Variants in MICAL3 observed in about 807,000 individuals in gnomAD.
MICAL3 encodes [F-actin]-monooxygenase MICAL3.
A neutral mutation model predicts 207.4 loss-of-function variants in MICAL3; 62 were observed. The ratio of observed to expected loss-of-function variants is 0.30; its 90% confidence interval spans 0.24 to 0.37. MICAL3 has a LOEUF of 0.37. MICAL3 is among the 10% of genes least tolerant of loss of function. MICAL3 has a pLI of 1.00. For missense variants in MICAL3, 2,368 were observed against 2,635.6 expected, an observed-to-expected ratio of 0.90 and a Z score of 2.22; for synonymous variants, 1,077 against 1,069.3, an observed-to-expected ratio of 1.01 and a Z score of -0.14.
Position 17,818,448 on chromosome 22 carries a change from G to C in MICAL3, c.4213C>G (p.Arg1405Gly), listed in dbSNP as rs143411730. The C allele has an allele frequency of 8.7e-6, 14 of 1,612,616 alleles. No individual in the cohort carries two copies. The highest frequency in any genetic ancestry group is 5.5e-5 in the South Asian group (5 of 91,088). Residue 1405 changes from arginine to glycine, a missense_variant, in exon 26 of 32, where the codon CGG (arginine) becomes GGG (glycine). Arg to Gly is a moderately radical substitution (Grantham distance 125). Transcript: ENST00000441493. ...CGTAGCTCTCTGTCGGACGGGGACC[G>C]GGGGGTTGGCAGGGACAACGGCTCG... ...EGEPLSLPTP[R>G]SPSDRELRSA...
intron 1 of MICAL3, among the ~76,000 whole-genome samples, chr22:17,927,379 C>T (rs1165732982): frequency 6.6e-6 from 1 of 152,192 alleles, no homozygotes; most frequent in Non-Finnish European, 1.5e-5. Context: ...GTGCACAATG[C>T]TGCCATAAAC....
chr22:17,821,520 T>C lies in MICAL3; in HGVS notation c.3449-11A>G. The C allele has an allele frequency of 6.5e-7, 1 of 1,536,140 alleles. No homozygotes were observed. The highest frequency in any genetic ancestry group is 1.2e-5 in the South Asian group (1 of 82,058). On this transcript the variant is annotated splice_polypyrimidine_tract_variant and intron_variant, in intron 24 of 31. Transcript: ENST00000441493. ...TGGCTTGGGAGGGACCTGAAAAGAA[T>C]GAACACAGGGACTTACAAGAGGAAG... is the stretch of plus-strand genomic sequence containing the variant.
chr22:17,812,937 G>A (rs993301838), intron 27 of MICAL3: 2 of 152,178 alleles, frequency 1.3e-5, no homozygotes, highest in African/African-American at 2.4e-5. Flanking sequence ...ATGTGCTTGT[G>A]GAAATTCAGC....
chr22:17,955,170 G>T (rs1263261027), intron 1 of MICAL3, among the ~76,000 whole-genome samples: 1 of 152,150 alleles, frequency 6.6e-6, no homozygotes, highest in Non-Finnish European at 1.5e-5. Flanking sequence ...CACACAGCAA[G>T]CTCTCAGTAA....
chr22:17,809,192 C>T (rs2062017818), intron 28 of MICAL3, among the ~76,000 whole-genome samples: 1 of 152,248 alleles, frequency 6.6e-6, no homozygotes, highest in Admixed American at 6.5e-5. Flanking sequence ...ACCACCCTCC[C>T]AGGAGTGTTG....
chr22:17,849,927 G>A (rs986274791), intron 19 of MICAL3, among the ~76,000 whole-genome samples: 1 of 151,756 alleles, frequency 6.6e-6, no homozygotes. Flanking sequence ...TCCTGACCTC[G>A]TGATCCGCCC....
At chr22:17,937,539 C>T (rs1933596746) in intron 1 of MICAL3, among the ~76,000 whole-genome samples, 1 of 152,108 alleles carries the variant, frequency 6.6e-6, no homozygotes, top group African/African-American at 2.4e-5. Flanking sequence ...GGCGCATCCC[C>T]GTAATCCTAG....
chr22:17,798,834 C>T (rs976793433), intron 29 of MICAL3, among the ~76,000 whole-genome samples: 5 of 151,794 alleles, frequency 3.3e-5, no homozygotes, highest in Admixed American at 6.6e-5. Flanking sequence ...CCACCACACC[C>T]GGCTAATTTT....
intron 1 of MICAL3, among the ~76,000 whole-genome samples, chr22:17,945,482 C>T (rs1035007647): frequency 6.6e-6 from 1 of 152,142 alleles, no homozygotes; most frequent in Non-Finnish European, 1.5e-5. Context: ...AAAAACAACC[C>T]GAAACAAAGG....
chr22:17,899,689 A>C, intron 6 of MICAL3, 141 bp from the exon 7 acceptor site: 2 of 635,870 alleles, frequency 3.1e-6, no homozygotes, highest in Non-Finnish European at 5.7e-6. Context: ...CCAGATTCTC[A>C]CGTCCTGTAT....
chr22:17,988,507 T>G (rs1057351859), intron 1 of MICAL3, among the ~76,000 whole-genome samples: 13 of 152,178 alleles, frequency 8.5e-5, no homozygotes, highest in African/African-American at 2.9e-4. Context: ...CAGGCTGGAG[T>G]GCAGTGACGC....
chr22:17,931,170 G>A (rs979328487), intron 1 of MICAL3, among the ~76,000 whole-genome samples: 1 of 152,064 alleles, frequency 6.6e-6, no homozygotes, highest in African/African-American at 2.4e-5. Flanking sequence ...CTTGCAATAA[G>A]TCCCTTATCC....
chr22:17,796,214 T>A lies in MICAL3; in HGVS notation c.5651-4913A>T, dbSNP rs149195709. On this transcript the variant is annotated intron_variant, in intron 29 of 31. Coordinates refer to ENST00000441493, the MANE Select transcript of MICAL3 (RefSeq NM_015241.3). The surrounding 1 kb of genome is among the most constrained non-coding windows in gnomAD (Gnocchi z 4.4). ...TGCGTCTCCAACACTCGGGGGCACA[T>A]CTGCTCCATCTTTCCCTCTGAAGCA... 2.2e-4 allele frequency among the ~76,000 whole-genome samples: 33 copies of A among 152,322 alleles called. No homozygotes were observed. In the East Asian group the frequency reaches 6.4e-3, roughly 29 times the overall value.
chr22:17,818,171 G>A lies in MICAL3; in HGVS notation c.4490C>T (p.Pro1497Leu), dbSNP rs770235769. The change falls in exon 26 of 32, where the codon CCC becomes CTC. Residue 1497 changes from proline (P) to leucine (L), a missense_variant. Coordinates refer to ENST00000441493, the MANE Select transcript of MICAL3 (RefSeq NM_015241.3). ...PPPLPATWMR[P>L]PREPAQPPRE... ...GGGGGGCTGAGCAGGCTCCCGGGGGGGCCGCATCCAGGTGGCGGGCAAGGG... is the reference window on the plus strand; with the variant it reads ...GGGGGGCTGAGCAGGCTCCCGGGGGAGCCGCATCCAGGTGGCGGGCAAGGG... 5 of 1,592,186 alleles carry A rather than the reference G, an allele frequency of 3.1e-6. No homozygotes were observed. Among genetic ancestry groups the A allele is most frequent in the Non-Finnish European group, 4.3e-6 (5 of 1,172,136 alleles).
intron 17 of MICAL3, among the ~76,000 whole-genome samples, chr22:17,867,760 G>A (rs947076970): frequency 6.6e-6 from 1 of 152,254 alleles, no homozygotes; most frequent in Non-Finnish European, 1.5e-5. Flanking sequence ...CTGGATGGAA[G>A]CTATAAAGTT....
chr22:17,864,729 G>A (rs544550371), intron 19 of MICAL3, 170 bp downstream of exon 19: 6 of 1,613,616 alleles, frequency 3.7e-6, no homozygotes, highest in Non-Finnish European at 5.1e-6. Flanking sequence ...AGAGAAAGGG[G>A]ACTCCGAACG....
At chr22:17,943,959 A>C (rs936425435) in intron 1 of MICAL3, among the ~76,000 whole-genome samples, 1 of 152,186 alleles carries the variant, frequency 6.6e-6, no homozygotes, top group Non-Finnish European at 1.5e-5. Flanking sequence ...ATGGAAAAAA[A>C]CAGGCACCCC....
At chr22:17,957,379 G>A (rs896015186) in intron 1 of MICAL3, among the ~76,000 whole-genome samples, 8 of 152,270 alleles carry the variant, frequency 5.3e-5, no homozygotes, top group Admixed American at 3.3e-4. Context: ...TGCAATTTCC[G>A]ACTGAAACTA....
intron 1 of MICAL3, among the ~76,000 whole-genome samples, chr22:17,979,271 A>G (rs1935796304): frequency 6.6e-6 from 1 of 151,842 alleles, no homozygotes; most frequent in Non-Finnish European, 1.5e-5. Context: ...CGGCCCAGGT[A>G]CAGTGGCTCA....
Sources: gnomAD v4.1 joint callset for allele counts (sites outside exome capture counted in the v4.1 genomes callset) on GRCh38, gnomAD v4.1.1 for gene constraint, Gnocchi (gnomAD v3.1) non-coding constraint, MANE v1.5 for transcripts, NCBI Gene and HGNC (gene_info 2026-07-23, HGNC 2026-07-21) for gene names.